Variants in UBE2F observed in about 807,000 individuals in gnomAD.
UBE2F encodes NEDD8-conjugating enzyme UBE2F.
In UBE2F, 5 loss-of-function variants were observed where a neutral mutation model predicts 29.6. That is an observed-to-expected ratio of 0.17 (90% CI 0.09 to 0.36). The LOEUF is 0.36. Among genes scored for constraint, UBE2F ranks in the 10% least tolerant of loss-of-function variants. UBE2F has a pLI of 1.00. For synonymous variants in UBE2F, 66 were observed against 81.8 expected (o/e 0.81, Z 1.04); for missense variants, 141 against 228.5 (o/e 0.62, Z 2.47).
At chr2:237,990,974 T>A (rs541938216) in intron 3 of UBE2F, among the ~76,000 whole-genome samples, 1 of 152,266 alleles carries the variant, frequency 6.6e-6, no homozygotes, top group Non-Finnish European at 1.5e-5. Flanking sequence ...AATGGTTCAT[T>A]CATCCTTGAT....
intron 3 of UBE2F, chr2:237,990,545 G>C (rs527609218): frequency 4.6e-5 from 12 of 259,022 alleles, no homozygotes; most frequent in African/African-American, 2.6e-4. Flanking sequence ...TGAGACCTCA[G>C]ACCTCAGGTG....
intron 2 of UBE2F, among the ~76,000 whole-genome samples, chr2:237,985,943 T>G (rs1443970359): frequency 6.6e-6 from 1 of 152,204 alleles, no homozygotes; most frequent in Non-Finnish European, 1.5e-5. Context: ...TGTTCAGTGA[T>G]GTTGAGCACC....
chr2:237,969,540 G>T lies in UBE2F; in HGVS notation c.-17+2408G>T, dbSNP rs533527132. Among the ~76,000 whole-genome samples the T allele has an allele frequency of 3.3e-5, 5 of 152,342 alleles. No individual in the cohort carries two copies. The South Asian group carries it at 8.3e-4, about 25-fold the overall frequency. ...ATTCCCAAGGTCAGCCAGAGACCTG[G>T]TAGTCCTTGTGTAGGGCATCTGGTG... On this transcript the variant is annotated intron_variant, in intron 1 of 9. Coordinates refer to ENST00000272930, the MANE Select transcript of UBE2F (RefSeq NM_080678.3).
chr2:238,011,692 A>G (rs1303273975), intron 4 of UBE2F, among the ~76,000 whole-genome samples: 2 of 152,352 alleles, frequency 1.3e-5, no homozygotes, highest in African/African-American at 2.4e-5. Context: ...TTTGTGAATG[A>G]ATATTATTTT....
intron 4 of UBE2F, among the ~76,000 whole-genome samples, chr2:238,006,759 C>CTTTTTTTTTTTTTTTT (rs60514924): frequency 6.4e-5 from 8 of 125,568 alleles, no homozygotes; most frequent in African/African-American, 1.8e-4. Flanking sequence ...TTTCTTTTTT[C>CTTTTTTTTTTTTTTTT]TTTTTTTTTT....
At chr2:237,980,899 G>A (rs1459651548) in intron 2 of UBE2F, among the ~76,000 whole-genome samples, 1 of 152,232 alleles carries the variant, frequency 6.6e-6, no homozygotes, top group African/African-American at 2.4e-5. Context: ...GGCAGGAGAA[G>A]GTGAGTACGT....
rs2064834855 is a variant in UBE2F at position 238,041,368 on chromosome 2, T to C, written c.*30T>C. The C allele has an allele frequency of 6.2e-7, 1 of 1,612,202 alleles. No individual in the cohort carries two copies. The highest frequency in any genetic ancestry group is 1.3e-5 in the African/African-American group (1 of 74,892). On this transcript the variant is annotated 3_prime_UTR_variant, in exon 10 of 10. Transcript: ENST00000272930. Reference sequence around the variant, plus strand: ...AGGGGACGATTGCAGGCCCATGGACTGTGTTACAGTTTGTCTCTAACATGA... The same window carrying C: ...AGGGGACGATTGCAGGCCCATGGACCGTGTTACAGTTTGTCTCTAACATGA...
intron 4 of UBE2F, among the ~76,000 whole-genome samples, chr2:237,997,210 G>C (rs569708033): frequency 6.6e-6 from 1 of 151,986 alleles, no homozygotes. Context: ...CTGAGCGACA[G>C]AGCTGTCTCA....
chr2:238,029,992 C>T (rs2064536053), intron 6 of UBE2F, among the ~76,000 whole-genome samples: 1 of 150,932 alleles, frequency 6.6e-6, no homozygotes, highest in South Asian at 2.1e-4. Context: ...TATTCCCAGG[C>T]TGGAGTACAG....
Position 237,984,978 on chromosome 2 carries a change from G to A in UBE2F, c.119-2985G>A, listed in dbSNP as rs190716676. On this transcript the variant is annotated intron_variant, in intron 2 of 9. Coordinates refer to ENST00000272930, the MANE Select transcript of UBE2F (RefSeq NM_080678.3). ...TTTGTTTATTTGTTTGAAGAGGTTGGGAGGTTGTGGAAAAAGGCAAAAAAA... is the reference window on the plus strand; with the variant it reads ...TTTGTTTATTTGTTTGAAGAGGTTGAGAGGTTGTGGAAAAAGGCAAAAAAA... Among the ~76,000 whole-genome samples, 59 of 134,308 alleles carry A rather than the reference G, an allele frequency of 4.4e-4. 1 individual carries two copies. The highest frequency in any genetic ancestry group is 1.7e-3 in the African/African-American group (58 of 35,048). 88.1% of individuals were successfully genotyped at this position (134,308 alleles called of 152,430 possible).
intron 8 of UBE2F, among the ~76,000 whole-genome samples, chr2:238,033,288 A>G (rs1222552886): frequency 6.6e-6 from 1 of 152,234 alleles, no homozygotes; most frequent in African/African-American, 2.4e-5. Context: ...CTCAGCCAAA[A>G]GCTGTTGGTT....
At chr2:237,990,177 G>C (rs1043157935) in intron 3 of UBE2F, among the ~76,000 whole-genome samples, 2 of 149,054 alleles carry the variant, frequency 1.3e-5, no homozygotes, top group African/African-American at 4.9e-5. Flanking sequence ...GAAGTAGTTT[G>C]CTTTAAAATG....
At chr2:238,007,258 A>T (rs1358384241) in intron 4 of UBE2F, among the ~76,000 whole-genome samples, 2 of 151,974 alleles carry the variant, frequency 1.3e-5, no homozygotes, top group East Asian at 1.9e-4. Flanking sequence ...ATTAGCTGGG[A>T]CTACAGGTGC....
At chr2:237,970,339 C>T (rs2063150021) in intron 1 of UBE2F, among the ~76,000 whole-genome samples, 1 of 152,192 alleles carries the variant, frequency 6.6e-6, no homozygotes, top group South Asian at 2.1e-4. Flanking sequence ...CACGCCACTG[C>T]ACTCCAGCCT....
In UBE2F at chr2:237,983,955, A is replaced by G. The variant is rs143198456; in HGVS notation, c.119-4008A>G. ...TGACCTTACCCAGTCTCATGATGAC[A>G]GGTGGCATCACTTTGCAGGAACCCC... is the stretch of plus-strand genomic sequence containing the variant. On this transcript the variant is annotated intron_variant, in intron 2 of 9. Coordinates refer to ENST00000272930, the MANE Select transcript of UBE2F (RefSeq NM_080678.3). Among the ~76,000 whole-genome samples the G allele has an allele frequency of 1.8e-3, 278 of 152,160 alleles. 2 individuals carry two copies. Among genetic ancestry groups the G allele is most frequent in the African/African-American group, 6.3e-3 (262 of 41,500 alleles).
At chr2:237,990,890 A>G (rs763884522) in intron 3 of UBE2F, among the ~76,000 whole-genome samples, 33 of 152,284 alleles carry the variant, frequency 2.2e-4, no homozygotes, top group South Asian at 4.1e-4. Flanking sequence ...AGCTGAGATG[A>G]CAGGCACGAG....
intron 4 of UBE2F, among the ~76,000 whole-genome samples, chr2:237,996,674 CTGTGT>C: frequency 6.6e-6 from 1 of 152,152 alleles, no homozygotes; most frequent in African/African-American, 2.4e-5. Context: ...TGGGATTTCA[CTGTGT>C]TGGCCAGGCT....
chr2:238,033,172 C>T (rs2064625398), intron 8 of UBE2F, among the ~76,000 whole-genome samples: 1 of 152,184 alleles, frequency 6.6e-6, no homozygotes, highest in Admixed American at 6.5e-5. Context: ...AGTCCAGAAC[C>T]TCAGAGTTGT....
At chr2:238,001,643 C>G (rs992158096) in intron 4 of UBE2F, among the ~76,000 whole-genome samples, 2 of 151,786 alleles carry the variant, frequency 1.3e-5, no homozygotes, top group Admixed American at 1.3e-4. Context: ...TGGTGAAACC[C>G]CGTCTCTCCT....
Sources: allele counts gnomAD v4.1 joint callset (sites outside exome capture counted in the v4.1 genomes callset), GRCh38; gene constraint gnomAD v4.1.1; transcripts MANE v1.5; gene names NCBI Gene and HGNC (gene_info 2026-07-23, HGNC 2026-07-21).